Variants in PLEKHG4B observed in about 807,000 individuals in gnomAD.
PLEKHG4B encodes pleckstrin homology and RhoGEF domain containing G4B.
Under a neutral mutation model 121.3 loss-of-function variants are expected in PLEKHG4B, and 111 were observed. That is an observed-to-expected ratio of 0.92 (90% CI 0.78 to 1.07). The LOEUF (loss-of-function observed/expected upper bound fraction) is 1.07. Ranked by LOEUF, PLEKHG4B falls within the 50% of genes least tolerant of loss-of-function variation. The pLI, the probability that PLEKHG4B is intolerant of heterozygous loss-of-function variation, is 0.00. For missense variants in PLEKHG4B, 1,831 were observed against 1,757.8 expected, an observed-to-expected ratio of 1.04 and a Z score of -0.74; for synonymous variants, 738 against 725.0, an observed-to-expected ratio of 1.02 and a Z score of -0.29.
chr5:126,793 A>C (rs188002318), intron 2 of PLEKHG4B, among the ~76,000 whole-genome samples: 1 of 152,168 alleles, frequency 6.6e-6, no homozygotes, highest in Admixed American at 6.5e-5. Flanking sequence ...TTTAATAGGC[A>C]AAAGAAAGAG....
intron 1 of PLEKHG4B, among the ~76,000 whole-genome samples, chr5:99,170 GTATA>G (rs534174768): frequency 0.085 from 8,501 of 99,764 alleles, 395 homozygotes; most frequent in Non-Finnish European, 0.1. Context: ...AAAAAAAAGT[GTATA>G]TATATATATA....
In PLEKHG4B at chr5:97,645, G is replaced by A. The variant is rs143040458; in HGVS notation, c.45+5369G>A. ...CGGTATTTCGTATCTTTTCATGGCTGTATAACTCTCCGCTGTGTGGATAGA... is the reference window on the plus strand; with the variant it reads ...CGGTATTTCGTATCTTTTCATGGCTATATAACTCTCCGCTGTGTGGATAGA... On this transcript the variant is annotated intron_variant, in intron 1 of 19. Coordinates refer to ENST00000637938, the MANE Select transcript of PLEKHG4B (RefSeq NM_052909.5). Among the ~76,000 whole-genome samples the A allele has an allele frequency of 7.2e-5, 11 of 152,006 alleles. No individual in the cohort carries two copies. In the East Asian group the frequency reaches 1.9e-3, roughly 27 times the overall value.
At chr5:172,559 G>A (rs577856345) in intron 16 of PLEKHG4B, among the ~76,000 whole-genome samples, 6 of 152,332 alleles carry the variant, frequency 3.9e-5, no homozygotes, top group South Asian at 4.1e-4. Context: ...TGTGATCTCT[G>A]CACGTATGAC....
intron 14 of PLEKHG4B, 142 bp downstream of exon 14, chr5:169,734 A>G: frequency 7.8e-7 from 1 of 1,282,460 alleles, no homozygotes; most frequent in East Asian, 2.4e-5. Flanking sequence ...CAGGATGTTA[A>G]GACCAGCCGA....
Position 181,694 on chromosome 5 carries a change from G to C in PLEKHG4B, c.4564+19G>C, listed in dbSNP as rs112645933. On this transcript the variant is annotated intron_variant, in intron 19 of 19. Transcript: ENST00000637938. ...GGCACAGGTACGGTGGCTCGGTCCC[G>C]CCCTCACTCACCCTGCAGAGGGCAC... 8.7e-6 allele frequency: 14 copies of C among 1,605,572 alleles called. No individual in the cohort carries two copies. The East Asian group carries it at 3.1e-4, about 36-fold the overall frequency.
At chr5:98,468 C>G (rs1410561148) in intron 1 of PLEKHG4B, among the ~76,000 whole-genome samples, 1 of 111,722 alleles carries the variant, frequency 9.0e-6, no homozygotes, top group African/African-American at 3.4e-5. Context: ...TGGAGTCTCA[C>G]TCTGTCGCCA....
chr5:171,086 C>A lies in PLEKHG4B; in HGVS notation c.3773C>A (p.Pro1258Gln). 1 of 1,613,448 alleles carries A rather than the reference C, an allele frequency of 6.2e-7. No individual in the cohort carries two copies. Among genetic ancestry groups the A allele is most frequent in the Non-Finnish European group, 8.5e-7 (1 of 1,179,874 alleles). ...TACGTGATCTACAGCAAAAACAAGC[C>A]GCAGTCGGATGCCCTGCTCAGCAGC... ...GMYVIYSKNK[P>Q]QSDALLSSHG... The change falls in exon 15 of 20, where the codon CCG (proline) becomes CAG (glutamine). Residue 1258 changes from proline to glutamine, a missense_variant. Physicochemically the swap from Pro to Gln is moderately conservative, Grantham distance 76. Transcript: ENST00000637938.
In PLEKHG4B at chr5:156,103, G is replaced by A. The variant is rs764520044; in HGVS notation, c.2241G>A (p.Thr747=). The A allele has an allele frequency of 1.8e-5, 28 of 1,599,536 alleles. No homozygotes were observed. Among genetic ancestry groups the A allele is most frequent in the African/African-American group, 5.5e-5 (4 of 73,302 alleles). ...EVAELIDQHE[T]MMKLVLEDPL... is the part of the protein sequence containing the mutation. ...CCGAGTTAATTGACCAGCATGAGAC[G>A]ATGATGAAGCTTGTCCTGGAAGACC... The change falls in exon 10 of 20, where the codon ACG becomes ACA. Residue 747 remains threonine (T), a synonymous_variant. Coordinates refer to ENST00000637938, the MANE Select transcript of PLEKHG4B (RefSeq NM_052909.5). This position sits in a 1 kb window ranked among gnomAD's most constrained non-coding sequence, Gnocchi z 4.4.
Position 186,945 on chromosome 5 carries a change from A to ATGGGGG in PLEKHG4B, c.*4623_*4624insGGGGGT, listed in dbSNP as rs1248706253. 1.3e-5 allele frequency: 2 copies of ATGGGGG among 152,424 alleles called. No individual in the cohort carries two copies. The highest frequency in any genetic ancestry group is 2.9e-5 in the Non-Finnish European group (2 of 68,224). 9.4% of individuals were successfully genotyped at this position (152,424 alleles called of 1,614,324 possible). Reference sequence around the variant, plus strand: ...CCCAGGAAGGGTGTGTGGCCCCACCATCCTGAATGCTCAGGGCTGGTGGTC... The same window carrying ATGGGGG: ...CCCAGGAAGGGTGTGTGGCCCCACCATGGGGGTCCTGAATGCTCAGGGCTGGTGGTC... On this transcript the variant is annotated 3_prime_UTR_variant, in exon 20 of 20. Transcript: ENST00000637938.
Position 164,549 on chromosome 5 carries a change from A to C in PLEKHG4B, c.3476+1001A>C, listed in dbSNP as rs1464111903. 3.2e-5 allele frequency among the ~76,000 whole-genome samples: 4 copies of C among 124,638 alleles called. 1 individual carries two copies. The highest frequency in any genetic ancestry group is 2.3e-4 in the South Asian group (1 of 4,306). The allele number at this position is 124,638 out of a possible 152,430, so 81.8% of individuals were successfully genotyped here. On this transcript the variant is annotated intron_variant, in intron 13 of 19. Coordinates refer to ENST00000637938, the MANE Select transcript of PLEKHG4B (RefSeq NM_052909.5). ...TGCTGTGACAGGGGGCGGAGCTCACACAGTAATGCTCTGACAGGGGGCGGA... is the reference window on the plus strand; with the variant it reads ...TGCTGTGACAGGGGGCGGAGCTCACCCAGTAATGCTCTGACAGGGGGCGGA...
Position 144,773 on chromosome 5 carries a change from C to G in PLEKHG4B, c.1812-54C>G, listed in dbSNP as rs1373167323. 20 of 1,500,922 alleles carry G rather than the reference C, an allele frequency of 1.3e-5. No homozygotes were observed. In the South Asian group the frequency reaches 1.7e-4, roughly 13 times the overall value. 93.0% of individuals were successfully genotyped at this position (1,500,922 alleles called of 1,614,324 possible). Reference sequence around the variant, plus strand: ...AGCCTCAGAGGTGGAGAAACTCGTTCTTGTAAGAGATTTAACCTTCAGTGG... The same window carrying G: ...AGCCTCAGAGGTGGAGAAACTCGTTGTTGTAAGAGATTTAACCTTCAGTGG... On this transcript the variant is annotated intron_variant, in intron 5 of 19. Coordinates refer to ENST00000637938, the MANE Select transcript of PLEKHG4B (RefSeq NM_052909.5).
At position 157,914 on chromosome 5, in the gene PLEKHG4B, G is replaced by T. The variant is rs142708929; in HGVS notation, c.2487+1003G>T. ...TCCCCCGGCCTTCAGGTCCATGCGC[G>T]TGCCCTCACGGGGGCCTCCAGACAA... On this transcript the variant is annotated intron_variant, in intron 11 of 19. Transcript: ENST00000637938. This position sits in a 1 kb window ranked among gnomAD's most constrained non-coding sequence, Gnocchi z 4.6. Among the ~76,000 whole-genome samples, 1 of 152,142 alleles carries T rather than the reference G, an allele frequency of 6.6e-6. No individual in the cohort carries two copies. Among genetic ancestry groups the T allele is most frequent in the Non-Finnish European group, 1.5e-5 (1 of 68,010 alleles).
At chr5:150,438 G>C (rs1351851483) in intron 6 of PLEKHG4B, among the ~76,000 whole-genome samples, 6 of 152,110 alleles carry the variant, frequency 3.9e-5, no homozygotes. Context: ...GGTGGTGGTG[G>C]TTGCACTACG....
chr5:99,210 A>G (rs1351242455), intron 1 of PLEKHG4B, among the ~76,000 whole-genome samples: 1 of 100,626 alleles, frequency 9.9e-6, no homozygotes, highest in African/African-American at 3.8e-5. Flanking sequence ...ATATATATAT[A>G]TATTTTGCGA....
Position 144,924 on chromosome 5 carries a change from C to T in PLEKHG4B, c.1905+4C>T, listed in dbSNP as rs568462384. ...CCAGGCCCTCTCAGGATTGCAGGTA[C>T]GGCAAGGTTGTCATATCCCTTGGGT... On this transcript the variant is annotated splice_donor_region_variant and intron_variant, in intron 6 of 19. Transcript: ENST00000637938. The T allele has an allele frequency of 1.7e-5, 27 of 1,612,492 alleles. No homozygotes were observed. The highest frequency in any genetic ancestry group is 4.0e-5 in the African/African-American group (3 of 75,028).
chr5:107,509 C>A lies in PLEKHG4B; in HGVS notation c.46-5742C>A, dbSNP rs1288000484. Among the ~76,000 whole-genome samples, 8 of 152,220 alleles carry A rather than the reference C, an allele frequency of 5.3e-5. 1 individual carries two copies. Among genetic ancestry groups the A allele is most frequent in the Non-Finnish European group, 1.2e-4 (8 of 68,024 alleles). On this transcript the variant is annotated intron_variant, in intron 1 of 19. Transcript: ENST00000637938. ...GGGAGAGTCTTGGGTGCTCCCTTAC[C>A]CATCTGCTCATGCAGCGAGACCTTC...
intron 2 of PLEKHG4B, among the ~76,000 whole-genome samples, chr5:132,018 A>G (rs982921671): frequency 6.6e-6 from 1 of 152,230 alleles, no homozygotes; most frequent in Non-Finnish European, 1.5e-5. Flanking sequence ...AAACTATCTC[A>G]ACATAATAAA....
chr5:140,642 G>C lies in PLEKHG4B; in HGVS notation c.1403G>C (p.Gly468Ala). ...SHHSAGSRPG[G>A]HLGGQAVGTP... ...CACTCAGCAGGCTCCAGGCCTGGGG[G>C]CCACCTAGGAGGACAAGCTGTGGGG... Residue 468 changes from glycine to alanine, a missense_variant, in exon 3 of 20, where the codon GGC becomes GCC. Gly to Ala is a moderately conservative substitution (Grantham distance 60, BLOSUM62 0). Transcript: ENST00000637938. 1.2e-6 allele frequency: 2 copies of C among 1,609,198 alleles called. No individual in the cohort carries two copies. The highest frequency in any genetic ancestry group is 1.7e-6 in the Non-Finnish European group (2 of 1,177,964).
chr5:156,902 G>A lies in PLEKHG4B; in HGVS notation c.2478G>A (p.Gly826=), dbSNP rs1331292868. ...HLRELASLLE[G]NDQQSCQKGL... ...GGGAGCTGGCGTCACTCCTGGAAGG[G>A]AATGACCAGGTCAGAGCTGCAGGAG... Residue 826 remains glycine, a synonymous_variant, in exon 11 of 20, where the codon GGG becomes GGA. Transcript: ENST00000637938. The surrounding 1 kb of genome is among the most constrained non-coding windows in gnomAD (Gnocchi z 4.4). 1 of 1,611,750 alleles carries A rather than the reference G, an allele frequency of 6.2e-7. No individual in the cohort carries two copies. Among genetic ancestry groups the A allele is most frequent in the South Asian group, 1.1e-5 (1 of 90,490 alleles).
Sources: allele counts gnomAD v4.1 joint callset (sites outside exome capture counted in the v4.1 genomes callset), GRCh38; gene constraint gnomAD v4.1.1; non-coding constraint Gnocchi (gnomAD v3.1); transcripts MANE v1.5; gene names NCBI Gene and HGNC (gene_info 2026-07-23, HGNC 2026-07-21).